The following ARL6IP1 variants were observed in gnomAD, a reference collection of about 807,000 sequenced individuals.
ARL6IP1 encodes the protein ADP-ribosylation factor-like protein 6-interacting protein 1.
ARL6IP1 carries 16 observed loss-of-function variants against 30.1 expected under a neutral mutation model. The observed-to-expected ratio is 0.53, with a 90% CI of 0.36 to 0.81. The LOEUF (loss-of-function observed/expected upper bound fraction) is 0.81, where lower values mean the gene tolerates loss of function less well. ARL6IP1 is among the 30% of genes least tolerant of loss of function. The pLI is 0.01. For missense variants in ARL6IP1, 173 were observed against 242.7 expected, an observed-to-expected ratio of 0.71 and a Z score of 1.91; for synonymous variants, 72 against 84.8, an observed-to-expected ratio of 0.85 and a Z score of 0.83.
At chr16:18,797,789 C>A in intron 3 of ARL6IP1, 136 bp downstream of exon 3, 2 of 1,125,184 alleles carry the variant, frequency 1.8e-6, no homozygotes, top group Non-Finnish European at 2.5e-6. Context: ...ATATTCTTCA[C>A]ATAAAAGCAA....
rs2030414404 is a variant in ARL6IP1, at chr16:18,801,528, A to C, written c.-62T>G. On this transcript the variant is annotated 5_prime_UTR_variant, in exon 1 of 6. Transcript: ENST00000304414. ...CTCCCCAACGAGTCCTCCAACCGAA[A>C]CCCGCACACCAACCACAACCCGAGG... 1.0e-5 allele frequency: 16 copies of C among 1,588,324 alleles called. No individual in the cohort carries two copies. The Admixed American group carries it at 1.3e-4, about 13-fold the overall frequency.
At chr16:18,798,104 T>C in intron 2 of ARL6IP1, 60 bp from the exon 3 acceptor site, 1 of 1,457,856 alleles carries the variant, frequency 6.9e-7, no homozygotes, top group Non-Finnish European at 9.3e-7. Flanking sequence ...TAACTAAACA[T>C]GTCTAACTTA....
At chr16:18,795,010 GCTTTC>G (rs1166076530) in intron 4 of ARL6IP1, among the ~76,000 whole-genome samples, 2 of 146,886 alleles carry the variant, frequency 1.4e-5, no homozygotes, top group Non-Finnish European at 3.0e-5. Context: ...ATGAACAGAT[GCTTTC>G]CTTTTTTTTT....
rs753811157 is a variant in ARL6IP1, at chr16:18,801,468, G to A, written c.-2C>T. The A allele has an allele frequency of 3.1e-6, 5 of 1,612,808 alleles. No individual in the cohort carries two copies. Among genetic ancestry groups the A allele is most frequent in the South Asian group, 2.2e-5 (2 of 90,732 alleles). ...GCTGCGATTATCTCCCTCCGCCATCGTCTCGGGGATGCAGTCTCTACAAGC... is the reference window on the plus strand; with the variant it reads ...GCTGCGATTATCTCCCTCCGCCATCATCTCGGGGATGCAGTCTCTACAAGC... On this transcript the variant is annotated 5_prime_UTR_variant, in exon 1 of 6. The change creates a new upstream start codon in the 5' untranslated region. Coordinates refer to ENST00000304414, the MANE Select transcript of ARL6IP1 (RefSeq NM_015161.3).
chr16:18,792,812 C>G lies in ARL6IP1; in HGVS notation c.*440G>C, dbSNP rs150703199. ...GTGGTAAACTTGGTCTCTATATTCA[C>G]GAAGTCAGACAGTTTTTTAAGCAGA... On this transcript the variant is annotated 3_prime_UTR_variant, in exon 6 of 6. Transcript: ENST00000304414. 2.6e-3 allele frequency: 405 copies of G among 152,974 alleles called. 3 individuals carry two copies. The highest frequency in any genetic ancestry group is 3.9e-3 in the Non-Finnish European group (268 of 68,196). The allele number at this position is 152,974 out of a possible 1,614,324, so 9.5% of individuals were successfully genotyped here.
At position 18,794,130 on chromosome 16, in the gene ARL6IP1, T is replaced by G. The variant is rs2030158320; in HGVS notation, c.493+469A>C. ...CCACATCCAACTAATTTTTGTATTT[T>G]TAGTAGAGACAGGGTTTCGCCATGT... On this transcript the variant is annotated intron_variant, in intron 5 of 5. Transcript: ENST00000304414. 2.0e-5 allele frequency among the ~76,000 whole-genome samples: 3 copies of G among 152,124 alleles called. No homozygotes were observed. The South Asian group carries it at 6.2e-4, about 31-fold the overall frequency.
chr16:18,791,865 C>T lies in ARL6IP1; in HGVS notation c.*1387G>A, dbSNP rs973495064. ...TTCTTATGAAATAATAAAAAAAAATCAAACATATGCTACAATGGGCACCAC... is the reference window on the plus strand; with the variant it reads ...TTCTTATGAAATAATAAAAAAAAATTAAACATATGCTACAATGGGCACCAC... On this transcript the variant is annotated 3_prime_UTR_variant, in exon 6 of 6. Transcript: ENST00000304414. 6 of 152,326 alleles carry T rather than the reference C, an allele frequency of 3.9e-5. No individual in the cohort carries two copies. The highest frequency in any genetic ancestry group is 2.4e-5 in the African/African-American group (1 of 41,364). The allele number at this position is 152,326 out of a possible 1,614,324, so 9.4% of individuals were successfully genotyped here.
rs2030108144 is a variant in ARL6IP1, at chr16:18,793,014, G to T, written c.*238C>A. 2 of 350,358 alleles carry T rather than the reference G, an allele frequency of 5.7e-6. No homozygotes were observed. 21.7% of individuals were successfully genotyped at this position (350,358 alleles called of 1,614,324 possible). ...ATTCAATTAACGCTGGGTAAGAAAA[G>T]TCAAAACACTAATGAGTTGTCCATG... is the stretch of plus-strand genomic sequence containing the variant. On this transcript the variant is annotated 3_prime_UTR_variant, in exon 6 of 6. Transcript: ENST00000304414.
At chr16:18,795,335 G>T in intron 4 of ARL6IP1, 129 bp downstream of exon 4, 3 of 595,198 alleles carry the variant, frequency 5.0e-6, no homozygotes, top group South Asian at 2.5e-5. Flanking sequence ...ATTAATACAG[G>T]TAAACATTTA....
At position 18,798,522 on chromosome 16, in the gene ARL6IP1, G is replaced by GT. The variant is rs2030312009; in HGVS notation, c.170+178dup. ...TTACTCAAGTGCTTTAGGTTACCAA[G>GT]TTTACAGAAGTACTACAAATTCTGG... On this transcript the variant is annotated intron_variant, in intron 2 of 5. Coordinates refer to ENST00000304414, the MANE Select transcript of ARL6IP1 (RefSeq NM_015161.3). The GT allele has an allele frequency of 4.6e-6, 3 of 653,694 alleles. No homozygotes were observed. In the East Asian group the frequency reaches 9.3e-5, roughly 20 times the overall value. The allele number at this position is 653,694 out of a possible 1,614,324, so 40.5% of individuals were successfully genotyped here. A position where few individuals can be genotyped will look rare whatever the true frequency, so the allele number is the denominator to read the frequency against.
intron 1 of ARL6IP1, 195 bp downstream of exon 1, chr16:18,801,236 C>G (rs560671277): frequency 2.1e-6 from 3 of 1,422,900 alleles, no homozygotes; most frequent in Admixed American, 5.8e-5. Flanking sequence ...CGCCCCGTCG[C>G]GCACCGTCCC....
At chr16:18,794,735 T>A in intron 4 of ARL6IP1, 52 bp from the exon 5 acceptor site, 1 of 1,260,276 alleles carries the variant, frequency 7.9e-7, no homozygotes, top group Non-Finnish European at 1.1e-6. Flanking sequence ...ACACCATAAA[T>A]ATATGTAATT....
chr16:18,798,131 T>C, intron 2 of ARL6IP1, 87 bp from the exon 3 acceptor site: 1 of 1,264,896 alleles, frequency 7.9e-7, no homozygotes, highest in Non-Finnish European at 1.1e-6. Flanking sequence ...CACTTAACTA[T>C]TCACCGCCTC....
At chr16:18,795,962 C>T (rs1405890463) in intron 3 of ARL6IP1, among the ~76,000 whole-genome samples, 1 of 152,190 alleles carries the variant, frequency 6.6e-6, no homozygotes, top group Non-Finnish European at 1.5e-5. Context: ...AAATGCTGCA[C>T]TATACCTACC....
chr16:18,795,049 T>G (rs2030190002), intron 4 of ARL6IP1: 1 of 198,302 alleles, frequency 5.0e-6, no homozygotes, highest in Non-Finnish European at 1.0e-5. Context: ...CAGAGTCTCA[T>G]TCTGTCACAA....
intron 1 of ARL6IP1, among the ~76,000 whole-genome samples, chr16:18,799,725 A>G (rs2030352136): frequency 6.6e-6 from 1 of 152,202 alleles, no homozygotes; most frequent in Non-Finnish European, 1.5e-5. Flanking sequence ...TTAAGGTGGC[A>G]TTTTACGGTC....
intron 3 of ARL6IP1, among the ~76,000 whole-genome samples, chr16:18,797,236 T>G (rs2030262242): frequency 6.7e-6 from 1 of 150,134 alleles, no homozygotes; most frequent in Non-Finnish European, 1.5e-5. Context: ...AAAAAAAAAA[T>G]TAGCCAGGTG....
At chr16:18,801,162 C>A in intron 1 of ARL6IP1, 2 of 1,382,416 alleles carry the variant, frequency 1.4e-6, no homozygotes, top group Non-Finnish European at 1.9e-6. Context: ...GCTAGTGTCG[C>A]AGCCCCTCTG....
chr16:18,794,355 T>A (rs1048307539), intron 5 of ARL6IP1, among the ~76,000 whole-genome samples: 4 of 152,212 alleles, frequency 2.6e-5, no homozygotes, highest in African/African-American at 9.6e-5. Flanking sequence ...CCCCAGAAAC[T>A]TCTGCTCTCA....
Sources: allele counts gnomAD v4.1 joint callset (sites outside exome capture counted in the v4.1 genomes callset), GRCh38; gene constraint gnomAD v4.1.1; transcripts MANE v1.5; gene names NCBI Gene and HGNC (gene_info 2026-07-23, HGNC 2026-07-21).